DGKB: variants seen among roughly 807,000 people sequenced by gnomAD.
The protein encoded by DGKB is diacylglycerol kinase beta.
DGKB carries 67 observed loss-of-function variants against 114.3 expected under a neutral mutation model. That is an observed-to-expected ratio of 0.59 (90% CI 0.48 to 0.72). DGKB has a LOEUF of 0.72. Ranked by LOEUF, DGKB falls within the 30% of genes least tolerant of loss-of-function variation. The pLI, the probability that DGKB is intolerant of heterozygous loss-of-function variation, is 0.00. For missense variants in DGKB, 907 were observed against 975.2 expected, an observed-to-expected ratio of 0.93 and a Z score of 0.93; for synonymous variants, 398 against 323.1, an observed-to-expected ratio of 1.23 and a Z score of -2.49.
intron 17 of DGKB, among the ~76,000 whole-genome samples, chr7:14,592,353 G>A (rs1022700888): frequency 3.3e-5 from 5 of 151,776 alleles, no homozygotes; most frequent in African/African-American, 7.2e-5. Context: ...CCTTACGAAA[G>A]GTCTGCATTT....
At chr7:14,794,411 C>T (rs1271925336) in intron 2 of DGKB, among the ~76,000 whole-genome samples, 1 of 152,094 alleles carries the variant, frequency 6.6e-6, no homozygotes, top group African/African-American at 2.4e-5. Context: ...AAGTAAAGAG[C>T]TAGATACCTC....
At chr7:14,439,473 C>T (rs1465506532) in intron 21 of DGKB, among the ~76,000 whole-genome samples, 1 of 152,088 alleles carries the variant, frequency 6.6e-6, no homozygotes, top group African/African-American at 2.4e-5. Flanking sequence ...TCCTTACTTC[C>T]TCTCCCATCC....
intron 2 of DGKB, among the ~76,000 whole-genome samples, chr7:14,779,958 T>A (rs1379380357): frequency 6.6e-6 from 1 of 152,238 alleles, no homozygotes; most frequent in African/African-American, 2.4e-5. Context: ...ACTATACCTT[T>A]ATTTTTACAT....
At chr7:14,968,160 C>T (rs1381571890) in intron 1 of DGKB, among the ~76,000 whole-genome samples, 1 of 150,658 alleles carries the variant, frequency 6.6e-6, no homozygotes, top group African/African-American at 2.4e-5. Context: ...GATCTTTGTT[C>T]TTGTCTTTTT....
intron 23 of DGKB, among the ~76,000 whole-genome samples, chr7:14,229,173 A>G (rs1791309665): frequency 6.6e-6 from 1 of 152,032 alleles, no homozygotes. Flanking sequence ...AATTTTAAAC[A>G]TTCTATATTG....
At chr7:14,526,339 C>G (rs1450058267) in intron 20 of DGKB, among the ~76,000 whole-genome samples, 2 of 152,002 alleles carry the variant, frequency 1.3e-5, no homozygotes, top group African/African-American at 4.8e-5. Flanking sequence ...AGCACTCCCA[C>G]CCTCAAGTTG....
At position 14,643,598 on chromosome 7, in the gene DGKB, C is replaced by A. The variant is rs530127763; in HGVS notation, c.1135-13330G>T. Among the ~76,000 whole-genome samples, 11 of 152,260 alleles carry A rather than the reference C, an allele frequency of 7.2e-5. No individual in the cohort carries two copies. In the East Asian group the frequency reaches 1.9e-3, roughly 27 times the overall value. ...GTTCCCAGCATCTGAGCCCATGTAGCTCCCTGTACTCCAGAAAATAGGTGA... is the reference window on the plus strand; with the variant it reads ...GTTCCCAGCATCTGAGCCCATGTAGATCCCTGTACTCCAGAAAATAGGTGA... On this transcript the variant is annotated intron_variant, in intron 13 of 25. Coordinates refer to ENST00000402815, the MANE Select transcript of DGKB (RefSeq NM_001350709.2).
chr7:14,437,216 A>G (rs933200506), intron 21 of DGKB, among the ~76,000 whole-genome samples: 6 of 152,110 alleles, frequency 3.9e-5, no homozygotes, highest in Non-Finnish European at 7.4e-5. Context: ...AAAAAACTTT[A>G]TATCAGTCCC....
intron 25 of DGKB, 136 bp downstream of exon 25, chr7:14,176,703 A>G: frequency 6.7e-7 from 1 of 1,498,146 alleles, no homozygotes; most frequent in South Asian, 1.4e-5. Context: ...TGACACACAC[A>G]TAACAACAAC....
chr7:14,223,386 T>C (rs756681091), intron 23 of DGKB, among the ~76,000 whole-genome samples: 3 of 151,718 alleles, frequency 2.0e-5, no homozygotes, highest in Admixed American at 6.6e-5. Context: ...GATATAGAAC[T>C]GCTACTCCTA....
At chr7:14,914,706 T>C (rs1030829798) in intron 1 of DGKB, among the ~76,000 whole-genome samples, 1 of 151,944 alleles carries the variant, frequency 6.6e-6, no homozygotes, top group Non-Finnish European at 1.5e-5. Context: ...AATTATTAAA[T>C]AGGGAATTTA....
intron 25 of DGKB, among the ~76,000 whole-genome samples, chr7:14,171,342 T>C (rs1039691756): frequency 3.3e-5 from 5 of 152,218 alleles, no homozygotes; most frequent in African/African-American, 9.6e-5. Context: ...CTCTACCACA[T>C]GGAAGGAAGT....
At chr7:14,711,691 G>C (rs1002299392) in intron 6 of DGKB, among the ~76,000 whole-genome samples, 1 of 151,978 alleles carries the variant, frequency 6.6e-6, no homozygotes, top group Admixed American at 6.6e-5. Context: ...GCTTAGAAAG[G>C]GTGGTGAGTT....
intron 20 of DGKB, among the ~76,000 whole-genome samples, chr7:14,542,509 T>TA (rs1425852141): frequency 6.6e-6 from 1 of 152,182 alleles, no homozygotes; most frequent in Non-Finnish European, 1.5e-5. Flanking sequence ...TACACTCCCT[T>TA]ACATGATCCT....
intron 1 of DGKB, among the ~76,000 whole-genome samples, chr7:14,851,132 G>A (rs1054758558): frequency 2.6e-5 from 4 of 152,026 alleles, no homozygotes; most frequent in African/African-American, 7.3e-5. Context: ...GTACATATAC[G>A]GGGGAAAAGA....
intron 6 of DGKB, among the ~76,000 whole-genome samples, chr7:14,716,285 C>A (rs955388807): frequency 1.3e-5 from 2 of 152,284 alleles, no homozygotes; most frequent in South Asian, 2.1e-4. Flanking sequence ...ATTTTCAGAT[C>A]CCACCCCAGG....
chr7:14,361,386 A>T (rs1434557643), intron 21 of DGKB, among the ~76,000 whole-genome samples: 1 of 152,052 alleles, frequency 6.6e-6, no homozygotes, highest in African/African-American at 2.4e-5. Flanking sequence ...TTTTTAATCA[A>T]ATTGAATAAT....
intron 22 of DGKB, among the ~76,000 whole-genome samples, chr7:14,340,804 G>A (rs1318146301): frequency 1.3e-5 from 2 of 151,728 alleles, no homozygotes; most frequent in Non-Finnish European, 2.9e-5. Flanking sequence ...GAAGAATCAT[G>A]AAATAAGCTG....
chr7:14,718,464 C>T (rs1472819338), intron 6 of DGKB, 78 bp downstream of exon 6: 3 of 1,324,686 alleles, frequency 2.3e-6, no homozygotes, highest in Non-Finnish European at 3.0e-6. Context: ...TATACTAATG[C>T]AATTTTAAGT....
Sources: gnomAD v4.1 joint callset for allele counts (sites outside exome capture counted in the v4.1 genomes callset) on GRCh38, gnomAD v4.1.1 for gene constraint, MANE v1.5 for transcripts, NCBI Gene and HGNC (gene_info 2026-07-23, HGNC 2026-07-21) for gene names.